The following CD82 variants were observed in gnomAD, a reference collection of about 807,000 sequenced individuals.
The protein encoded by CD82 is CD82 antigen.
CD82 carries 36 observed loss-of-function variants against 37.4 expected under a neutral mutation model. The observed-to-expected ratio is 0.96, with a 90% CI of 0.74 to 1.27. The LOEUF (loss-of-function observed/expected upper bound fraction) is 1.27. Among genes scored for constraint, CD82 ranks in the 50% most tolerant of loss-of-function variants. The pLI, the probability that CD82 is intolerant of heterozygous loss-of-function variation, is 0.00. For synonymous variants in CD82, 158 were observed against 137.4 expected (o/e 1.15, Z -1.05); for missense variants, 340 against 347.0 (o/e 0.98, Z 0.16).
intron 2 of CD82, among the ~76,000 whole-genome samples, chr11:44,589,187 C>T (rs554297264): frequency 3.9e-5 from 6 of 152,316 alleles, no homozygotes; most frequent in East Asian, 1.9e-4. Context: ...CCCTAGGAGA[C>T]GGAGGTTGCC....
chr11:44,597,601 G>A lies in CD82; in HGVS notation c.64-2557G>A, dbSNP rs557486927. Among the ~76,000 whole-genome samples, 3 of 152,358 alleles carry A rather than the reference G, an allele frequency of 2.0e-5. No homozygotes were observed. Among genetic ancestry groups the A allele is most frequent in the African/African-American group, 7.2e-5 (3 of 41,580 alleles). On this transcript the variant is annotated intron_variant, in intron 3 of 9. Transcript: ENST00000227155. The surrounding 1 kb of genome is among the most constrained non-coding windows in gnomAD (Gnocchi z 4.1). ...TCTGGGTTCCTCTTGGCAAGCTGAGGAGCCAGCTGAGTAGTGTGGGGTTTT... is the reference window on the plus strand; with the variant it reads ...TCTGGGTTCCTCTTGGCAAGCTGAGAAGCCAGCTGAGTAGTGTGGGGTTTT...
At chr11:44,601,558 C>T (rs1282351590) in intron 4 of CD82, among the ~76,000 whole-genome samples, 1 of 152,204 alleles carries the variant, frequency 6.6e-6, no homozygotes, top group Non-Finnish European at 1.5e-5. Context: ...AGAGGCCCAG[C>T]CTGCCCACCC....
In CD82 at chr11:44,619,537, T is replaced by C. The variant is rs1003440411; in HGVS notation, c.*411T>C. On this transcript the variant is annotated 3_prime_UTR_variant, in exon 10 of 10. Transcript: ENST00000227155. The stretch of plus-strand genomic sequence containing the variant: ...CAGCACTTTGGGAGGCCGAGGCGGG[T>C]GGATCACGAGGTCAGGAGATCGAGA... The C allele has an allele frequency of 1.3e-4, 20 of 156,472 alleles. No individual in the cohort carries two copies. The highest frequency in any genetic ancestry group is 2.5e-4 in the African/African-American group (10 of 40,352). The allele number at this position is 156,472 out of a possible 1,614,324, so 9.7% of individuals were successfully genotyped here. A position where few individuals can be genotyped will look rare whatever the true frequency, so the allele number is the denominator to read the frequency against.
At chr11:44,578,598 C>T (rs1852934248) in intron 1 of CD82, among the ~76,000 whole-genome samples, 1 of 152,232 alleles carries the variant, frequency 6.6e-6, no homozygotes, top group Non-Finnish European at 1.5e-5. Context: ...TGAACCGTTA[C>T]TACTCAGAGA....
Position 44,597,195 on chromosome 11 carries a change from C to T in CD82, c.63+2470C>T, listed in dbSNP as rs933642553. Among the ~76,000 whole-genome samples the T allele has an allele frequency of 6.6e-6, 1 of 152,224 alleles. No homozygotes were observed. Among genetic ancestry groups the T allele is most frequent in the Non-Finnish European group, 1.5e-5 (1 of 68,036 alleles). On this transcript the variant is annotated intron_variant, in intron 3 of 9. Transcript: ENST00000227155. This position sits in a 1 kb window ranked among gnomAD's most constrained non-coding sequence, Gnocchi z 4.1. Reference sequence around the variant, plus strand: ...CCTGCGTGCATGTGCACCTGTATGTCTTTGCCTGTACTCCCTCTGGACTCC... The same window carrying T: ...CCTGCGTGCATGTGCACCTGTATGTTTTTGCCTGTACTCCCTCTGGACTCC...
chr11:44,595,961 T>G (rs1853219283), intron 3 of CD82, among the ~76,000 whole-genome samples: 1 of 151,774 alleles, frequency 6.6e-6, no homozygotes, highest in African/African-American at 2.4e-5. Flanking sequence ...TTCACAGCTT[T>G]AACCCAATGC....
chr11:44,618,566 G>A (rs1322031343), intron 8 of CD82, 74 bp from the exon 9 acceptor site: 3 of 1,310,790 alleles, frequency 2.3e-6, no homozygotes, highest in Non-Finnish European at 1.1e-6. Flanking sequence ...GGGACTGGGG[G>A]GCTCTCGGTG....
intron 1 of CD82, among the ~76,000 whole-genome samples, chr11:44,585,525 T>C (rs1199007392): frequency 6.6e-6 from 1 of 152,206 alleles, no homozygotes; most frequent in Non-Finnish European, 1.5e-5. Flanking sequence ...TGCCCTACTA[T>C]GCACTAGCCT....
At chr11:44,573,390 T>C (rs1202146470) in intron 1 of CD82, among the ~76,000 whole-genome samples, 1 of 152,154 alleles carries the variant, frequency 6.6e-6, no homozygotes, top group Non-Finnish European at 1.5e-5. Flanking sequence ...TCATCGTATA[T>C]AGAGGAAATA....
At chr11:44,587,055 C>G (rs1981994) in intron 1 of CD82, among the ~76,000 whole-genome samples, 112,785 of 152,136 alleles carry the variant, frequency 0.74, 42,218 homozygotes, top group East Asian at 0.91. Flanking sequence ...AGCCCTACCC[C>G]TAGAGATCCT....
intron 1 of CD82, 105 bp from the exon 2 acceptor site, chr11:44,587,370 C>T (rs1227812109): frequency 1.3e-5 from 6 of 447,878 alleles, no homozygotes; most frequent in South Asian, 6.2e-5. Flanking sequence ...GGCGGGGCCC[C>T]GCCGGCCACA....
At chr11:44,584,380 G>A (rs1368556799) in intron 1 of CD82, among the ~76,000 whole-genome samples, 1 of 152,132 alleles carries the variant, frequency 6.6e-6, no homozygotes, top group Admixed American at 6.5e-5. Flanking sequence ...TCTGCTTCCC[G>A]GGTTCAAGCA....
Position 44,616,666 on chromosome 11 carries a change from G to A in CD82, c.438+1293G>A, listed in dbSNP as rs116769785. 5.1e-3 allele frequency among the ~76,000 whole-genome samples: 782 copies of A among 152,282 alleles called. 5 individuals are homozygous for A. The highest frequency in any genetic ancestry group is 0.018 in the African/African-American group (740 of 41,546). On this transcript the variant is annotated intron_variant, in intron 7 of 9. Transcript: ENST00000227155. ...TACAATGGGGCTACTGACCCATGCC[G>A]TGTGAGATACATTGTTAAAGCCTGA...
intron 1 of CD82, among the ~76,000 whole-genome samples, chr11:44,582,927 C>G (rs991055368): frequency 2.0e-5 from 3 of 152,226 alleles, no homozygotes; most frequent in African/African-American, 7.2e-5. Flanking sequence ...TGATGCCAAA[C>G]AGGCTGGGAA....
At chr11:44,586,430 G>A (rs1475431034) in intron 1 of CD82, among the ~76,000 whole-genome samples, 1 of 152,170 alleles carries the variant, frequency 6.6e-6, no homozygotes, top group East Asian at 1.9e-4. Context: ...ACCCAAAGGA[G>A]ATTAAAATCC....
At chr11:44,592,359 C>T (rs1254073129) in intron 2 of CD82, among the ~76,000 whole-genome samples, 1 of 152,242 alleles carries the variant, frequency 6.6e-6, no homozygotes, top group African/African-American at 2.4e-5. Flanking sequence ...AGTGGATGTT[C>T]TTCTGGTGAA....
chr11:44,579,557 C>T (rs1274133005), intron 1 of CD82, among the ~76,000 whole-genome samples: 1 of 152,154 alleles, frequency 6.6e-6, no homozygotes, highest in Admixed American at 6.5e-5. Context: ...CGGCCTCTCT[C>T]ACTCCCCGCT....
intron 9 of CD82, 54 bp from the exon 10 acceptor site, chr11:44,618,995 G>C (rs998186141): frequency 6.2e-6 from 9 of 1,450,914 alleles, no homozygotes; most frequent in Non-Finnish European, 8.7e-6. Context: ...TGAGGCTGGG[G>C]CGTCTGAGGC....
intron 6 of CD82, among the ~76,000 whole-genome samples, chr11:44,607,230 G>T (rs1020768548): frequency 6.6e-6 from 1 of 152,210 alleles, no homozygotes; most frequent in Non-Finnish European, 1.5e-5. Context: ...GAACTTAATG[G>T]AACTTCACAA....
Sources: gnomAD v4.1 joint callset for allele counts (sites outside exome capture counted in the v4.1 genomes callset) on GRCh38, gnomAD v4.1.1 for gene constraint, Gnocchi (gnomAD v3.1) non-coding constraint, MANE v1.5 for transcripts, NCBI Gene and HGNC (gene_info 2026-07-23, HGNC 2026-07-21) for gene names.